Variants in MBOAT2 observed in about 807,000 individuals in gnomAD.
MBOAT2 encodes membrane bound glycerophospholipid O-acyltransferase 2.
MBOAT2 carries 28 observed loss-of-function variants against 63.4 expected under a neutral mutation model. The ratio of observed to expected loss-of-function variants is 0.44; its 90% CI spans 0.33 to 0.61. The LOEUF (loss-of-function observed/expected upper bound fraction) is 0.61. Among genes scored for constraint, MBOAT2 ranks in the 20% least tolerant of loss-of-function variants. The pLI, the probability that MBOAT2 is intolerant of heterozygous loss-of-function variation, is 0.03. For missense variants in MBOAT2, 470 were observed against 605.8 expected (o/e 0.78, Z 2.35); for synonymous variants, 211 against 215.6 (o/e 0.98, Z 0.19).
chr2:8,912,299 AAAAGAAAGAAAGAAAGAAAGAAAG>A (rs35633754), intron 3 of MBOAT2, among the ~76,000 whole-genome samples: 2 of 46,844 alleles, frequency 4.3e-5, no homozygotes, highest in Non-Finnish European at 8.4e-5. Flanking sequence ...GAAAAGAAAG[AAAAGAAAGAAAGAAAGAAAGAAAG>A]AAAGAAAGAA....
intron 1 of MBOAT2, among the ~76,000 whole-genome samples, chr2:8,979,394 C>T (rs930965793): frequency 6.6e-6 from 1 of 151,920 alleles, no homozygotes; most frequent in Non-Finnish European, 1.5e-5. Context: ...CAAAGAAAAT[C>T]GCAATAGATT....
In MBOAT2 at chr2:8,908,719, G is replaced by T; in HGVS notation, c.300-3C>A. On this transcript the variant is annotated splice_region_variant and splice_polypyrimidine_tract_variant and intron_variant, in intron 3 of 12. Transcript: ENST00000305997. Reference sequence around the variant, plus strand: ...CCAGAGCAAACACAAAGCAGTAACTGCAAAACAAAAATAAGCTACATTAAT... The same window carrying T: ...CCAGAGCAAACACAAAGCAGTAACTTCAAAACAAAAATAAGCTACATTAAT... 6.3e-7 allele frequency: 1 copy of T among 1,582,970 alleles called. No homozygotes were observed. Among genetic ancestry groups the T allele is most frequent in the Non-Finnish European group, 8.7e-7 (1 of 1,155,638 alleles).
chr2:8,996,920 C>A (rs544031532), intron 1 of MBOAT2, among the ~76,000 whole-genome samples: 8 of 152,180 alleles, frequency 5.3e-5, no homozygotes, highest in Non-Finnish European at 1.0e-4. Flanking sequence ...AATAAGGAAG[C>A]AGTCACATCA....
chr2:8,886,282 C>T (rs1030386416), intron 5 of MBOAT2, among the ~76,000 whole-genome samples: 13 of 152,222 alleles, frequency 8.5e-5, no homozygotes, highest in African/African-American at 2.9e-4. Context: ...TGGTTTCTTC[C>T]AGACTTCATT....
rs148975809 is a variant in MBOAT2, at chr2:8,971,277, C to T, written c.76-12635G>A. On this transcript the variant is annotated intron_variant, in intron 1 of 12. Coordinates refer to ENST00000305997, the MANE Select transcript of MBOAT2 (RefSeq NM_138799.4). The stretch of plus-strand genomic sequence containing the variant: ...CCAACGACAAAAACCACATGATTAT[C>T]TCAACAGATGCAGAAAAGGCCTTTG... Among the ~76,000 whole-genome samples the T allele has an allele frequency of 5.0e-3, 756 of 152,306 alleles. 9 individuals are homozygous for T. Among genetic ancestry groups the T allele is most frequent in the South Asian group, 0.02 (97 of 4,826 alleles).
chr2:8,939,322 G>A (rs1207653357), intron 3 of MBOAT2, among the ~76,000 whole-genome samples: 1 of 152,172 alleles, frequency 6.6e-6, no homozygotes, highest in African/African-American at 2.4e-5. Context: ...ATGGAGGTCC[G>A]AAGCCCCGAC....
chr2:8,892,710 G>A (rs1046224712), intron 4 of MBOAT2, among the ~76,000 whole-genome samples: 15 of 152,248 alleles, frequency 9.9e-5, no homozygotes, highest in African/African-American at 3.4e-4. Context: ...GGTGGGAACC[G>A]GCCTCACCCA....
intron 4 of MBOAT2, among the ~76,000 whole-genome samples, chr2:8,898,254 C>T (rs1269682744): frequency 6.6e-6 from 1 of 152,156 alleles, no homozygotes; most frequent in South Asian, 2.1e-4. Context: ...CCCTGGTTCC[C>T]GTTCTACTAG....
At chr2:8,861,805 A>G (rs1371591000) in intron 11 of MBOAT2, among the ~76,000 whole-genome samples, 1 of 152,172 alleles carries the variant, frequency 6.6e-6, no homozygotes, top group Non-Finnish European at 1.5e-5. Context: ...ACACACACAC[A>G]TGCATAAGGT....
At chr2:8,938,828 C>T (rs1020560893) in intron 3 of MBOAT2, among the ~76,000 whole-genome samples, 1 of 152,234 alleles carries the variant, frequency 6.6e-6, no homozygotes, top group African/African-American at 2.4e-5. Flanking sequence ...GTGCTGTCCA[C>T]CCTGCAGTAA....
Position 8,856,616 on chromosome 2 carries a change from A to G in MBOAT2, c.*2063T>C, listed in dbSNP as rs13388006. The G allele has an allele frequency of 0.21, 32,003 of 150,842 alleles. 4,904 individuals carry two copies. Among genetic ancestry groups the G allele is most frequent in the African/African-American group, 0.44 (17,936 of 41,000 alleles). The allele number at this position is 150,842 out of a possible 1,614,324, so 9.3% of individuals were successfully genotyped here. ...GTCACCCAGGCTGGAGTGCAGTGGC[A>G]CAATTTTAGCTCACTGCAACCTCCA... On this transcript the variant is annotated 3_prime_UTR_variant, in exon 13 of 13. Coordinates refer to ENST00000305997, the MANE Select transcript of MBOAT2 (RefSeq NM_138799.4). This position sits in a 1 kb window ranked among gnomAD's most constrained non-coding sequence, Gnocchi z 4.2.
At chr2:8,866,419 TATCC>T (rs1292138001) in intron 9 of MBOAT2, among the ~76,000 whole-genome samples, 3 of 152,160 alleles carry the variant, frequency 2.0e-5, no homozygotes, top group Admixed American at 2.0e-4. Context: ...AACACTGCTA[TATCC>T]ATCATTCAAC....
rs141437429 is a variant in MBOAT2 at position 8,855,855 on chromosome 2, T to C, written c.*2824A>G. ...ATTGATCATCTCTAGAGTGATTTCA[T>C]GATACCTGAATAGTGGAAAATATAA... On this transcript the variant is annotated 3_prime_UTR_variant, in exon 13 of 13. Transcript: ENST00000305997. The C allele has an allele frequency of 1.6e-3, 237 of 152,344 alleles. No individual in the cohort carries two copies. Among genetic ancestry groups the C allele is most frequent in the African/African-American group, 5.6e-3 (232 of 41,586 alleles). 9.4% of individuals were successfully genotyped at this position (152,344 alleles called of 1,614,324 possible).
chr2:8,854,473 T>C lies in MBOAT2; in HGVS notation c.*4206A>G, dbSNP rs919714917. 3.3e-5 allele frequency: 5 copies of C among 152,240 alleles called. No individual in the cohort carries two copies. The highest frequency in any genetic ancestry group is 2.0e-4 in the Admixed American group (3 of 15,288). The allele number at this position is 152,240 out of a possible 1,614,324, so 9.4% of individuals were successfully genotyped here. A position where few individuals can be genotyped will look rare whatever the true frequency, so the allele number is the denominator to read the frequency against. ...TCAGCCAGGAAGAACTATTAACGCC[T>C]GGATAAAACTCCACAAAATACTAGC... On this transcript the variant is annotated 3_prime_UTR_variant, in exon 13 of 13. Transcript: ENST00000305997.
chr2:8,869,295 C>A (rs572930585), intron 8 of MBOAT2, among the ~76,000 whole-genome samples: 1 of 151,772 alleles, frequency 6.6e-6, no homozygotes, highest in African/African-American at 2.4e-5. Context: ...CATCTTCCCA[C>A]CTTGGCCTCC....
intron 6 of MBOAT2, 70 bp downstream of exon 6, chr2:8,882,441 C>G: frequency 6.8e-7 from 1 of 1,479,250 alleles, no homozygotes. Context: ...TCAGCCTCAG[C>G]CACAGAAGGA....
intron 1 of MBOAT2, among the ~76,000 whole-genome samples, chr2:8,984,088 A>G (rs1393724143): frequency 6.6e-6 from 1 of 152,180 alleles, no homozygotes; most frequent in Non-Finnish European, 1.5e-5. Flanking sequence ...AGGTCCCATA[A>G]CATACCTCAC....
chr2:8,957,272 G>A (rs1669295264), intron 2 of MBOAT2, among the ~76,000 whole-genome samples: 1 of 152,098 alleles, frequency 6.6e-6, no homozygotes, highest in African/African-American at 2.4e-5. Context: ...CATGATTTAT[G>A]AAAAGTTTAA....
intron 4 of MBOAT2, among the ~76,000 whole-genome samples, chr2:8,889,963 G>C (rs2148553730): frequency 6.6e-6 from 1 of 152,190 alleles, no homozygotes; most frequent in Non-Finnish European, 1.5e-5. Context: ...GTGACATGTG[G>C]CTGGGAGGAC....
Sources: gnomAD v4.1 joint callset for allele counts (sites outside exome capture counted in the v4.1 genomes callset) on GRCh38, gnomAD v4.1.1 for gene constraint, Gnocchi (gnomAD v3.1) non-coding constraint, MANE v1.5 for transcripts, NCBI Gene and HGNC (gene_info 2026-07-23, HGNC 2026-07-21) for gene names.